CNTN4: variants seen among roughly 807,000 people sequenced by gnomAD.
CNTN4 encodes the protein contactin-4.
A neutral mutation model predicts 122.5 loss-of-function variants in CNTN4; 77 were observed. The observed-to-expected ratio is 0.63, with a 90% CI of 0.52 to 0.76. The LOEUF (loss-of-function observed/expected upper bound fraction) is 0.76. CNTN4 is among the 30% of genes least tolerant of loss of function. The probability of loss-of-function intolerance (pLI) is 0.00; values close to 1 mark genes in which losing one functional copy is unlikely to be tolerated. For missense variants in CNTN4, 1,256 were observed against 1,259.1 expected, an observed-to-expected ratio of 1.00 and a Z score of 0.04; for synonymous variants, 512 against 447.0, an observed-to-expected ratio of 1.15 and a Z score of -1.83.
intron 3 of CNTN4, among the ~76,000 whole-genome samples, chr3:2,515,887 T>C (rs956477580): frequency 4.6e-5 from 7 of 151,424 alleles, no homozygotes; most frequent in African/African-American, 1.7e-4. Context: ...TACGGACTAA[T>C]ATTTTACTGT....
chr3:2,990,194 G>C (rs1270674593), intron 14 of CNTN4, among the ~76,000 whole-genome samples: 1 of 152,172 alleles, frequency 6.6e-6, no homozygotes, highest in African/African-American at 2.4e-5. Context: ...AAATGAGGTT[G>C]TTCTGATGAC....
chr3:2,285,366 T>C (rs891269482), intron 2 of CNTN4, among the ~76,000 whole-genome samples: 7 of 152,118 alleles, frequency 4.6e-5, no homozygotes, highest in Non-Finnish European at 8.8e-5. Context: ...GACATTGCAA[T>C]TGCATATTAT....
chr3:2,543,996 TTTTTTCC>T (rs2078137755), intron 3 of CNTN4, among the ~76,000 whole-genome samples: 1 of 152,140 alleles, frequency 6.6e-6, no homozygotes, highest in Non-Finnish European at 1.5e-5. Flanking sequence ...ATCTGTCCTC[TTTTTTCC>T]TTTGAGAACA....
At chr3:2,387,370 A>G (rs923430106) in intron 3 of CNTN4, among the ~76,000 whole-genome samples, 2 of 149,470 alleles carry the variant, frequency 1.3e-5, no homozygotes, top group African/African-American at 4.8e-5. Flanking sequence ...TATTAAGAGT[A>G]AAAAGAACAT....
rs780182771 is a variant in CNTN4, at chr3:3,056,110, C to T, written c.2981-10C>T. On this transcript the variant is annotated splice_polypyrimidine_tract_variant and intron_variant, in intron 24 of 24. Coordinates refer to ENST00000418658, the MANE Select transcript of CNTN4 (RefSeq NM_175607.3). ...GGGCTGTTTTGAGTGAATTTGTTCTCTCTTTTCAGATGCCTACGCGAGAGG... is the reference window on the plus strand; with the variant it reads ...GGGCTGTTTTGAGTGAATTTGTTCTTTCTTTTCAGATGCCTACGCGAGAGG... 13 of 1,611,558 alleles carry T rather than the reference C, an allele frequency of 8.1e-6. No individual in the cohort carries two copies. The highest frequency in any genetic ancestry group is 4.0e-5 in the African/African-American group (3 of 74,890).
chr3:2,658,847 A>G (rs1225413251), intron 4 of CNTN4, among the ~76,000 whole-genome samples: 1 of 151,998 alleles, frequency 6.6e-6, no homozygotes, highest in African/African-American at 2.4e-5. Flanking sequence ...CCAATAGAGC[A>G]TGTTCAAGGT....
chr3:2,620,032 T>C (rs1290446641), intron 4 of CNTN4, among the ~76,000 whole-genome samples: 1 of 152,140 alleles, frequency 6.6e-6, no homozygotes, highest in Non-Finnish European at 1.5e-5. Context: ...TAATATACTC[T>C]GTCCCAGTCC....
At chr3:3,002,422 C>T (rs192809017) in intron 14 of CNTN4, among the ~76,000 whole-genome samples, 101 of 151,718 alleles carry the variant, frequency 6.7e-4, no homozygotes, top group Middle Eastern at 3.4e-3. Flanking sequence ...AGGTTTAGCT[C>T]AAAAAAGAGA....
At chr3:2,809,001 A>G (rs2092539891) in intron 6 of CNTN4, among the ~76,000 whole-genome samples, 1 of 152,248 alleles carries the variant, frequency 6.6e-6, no homozygotes, top group Non-Finnish European at 1.5e-5. Flanking sequence ...AACAAGTACT[A>G]ATTAAGTATC....
intron 4 of CNTN4, among the ~76,000 whole-genome samples, chr3:2,634,665 C>T (rs1352783431): frequency 8.2e-6 from 1 of 121,568 alleles, no homozygotes; most frequent in East Asian, 2.5e-4. Flanking sequence ...CCCATCTCTA[C>T]TAAAAATACA....
intron 2 of CNTN4, among the ~76,000 whole-genome samples, chr3:2,228,266 G>A (rs941187222): frequency 6.6e-6 from 1 of 152,000 alleles, no homozygotes; most frequent in Non-Finnish European, 1.5e-5. Context: ...CAACCTAAAT[G>A]TGGTTTTTAC....
intron 2 of CNTN4, among the ~76,000 whole-genome samples, chr3:2,108,304 T>C (rs1045799015): frequency 6.6e-6 from 1 of 152,120 alleles, no homozygotes; most frequent in Non-Finnish European, 1.5e-5. Flanking sequence ...TTCAATACTA[T>C]TGAGGCATAA....
intron 3 of CNTN4, chr3:2,362,220 TAAC>T (rs911929282): frequency 5.7e-6 from 1 of 174,662 alleles, no homozygotes. Flanking sequence ...AACTTTATTC[TAAC>T]AACAAGAGAA....
At chr3:2,697,462 T>G (rs1441959524) in intron 4 of CNTN4, among the ~76,000 whole-genome samples, 2 of 152,210 alleles carry the variant, frequency 1.3e-5, no homozygotes, top group African/African-American at 2.4e-5. Context: ...GCTGAATCTA[T>G]GTGGAAAGGA....
chr3:2,990,693 A>T (rs746254022), intron 14 of CNTN4, among the ~76,000 whole-genome samples: 1 of 152,188 alleles, frequency 6.6e-6, no homozygotes. Flanking sequence ...AAAGCCTACA[A>T]ATATATCAGG....
intron 2 of CNTN4, among the ~76,000 whole-genome samples, chr3:2,313,661 A>G (rs1373865044): frequency 6.6e-6 from 1 of 152,020 alleles, no homozygotes; most frequent in Admixed American, 6.6e-5. Flanking sequence ...GTCACTCCCA[A>G]CTATATGTTT....
chr3:2,221,853 A>C (rs2039073797), intron 2 of CNTN4, among the ~76,000 whole-genome samples: 1 of 152,162 alleles, frequency 6.6e-6, no homozygotes, highest in Non-Finnish European at 1.5e-5. Context: ...ATACCCTGTT[A>C]CAATTACTAG....
At chr3:2,611,157 C>A (rs999866788) in intron 4 of CNTN4, among the ~76,000 whole-genome samples, 2 of 151,720 alleles carry the variant, frequency 1.3e-5, no homozygotes, top group African/African-American at 4.8e-5. Flanking sequence ...TACATTGATT[C>A]AAAGTGATGG....
intron 2 of CNTN4, among the ~76,000 whole-genome samples, chr3:2,107,780 G>T (rs182131125): frequency 2.0e-5 from 3 of 152,188 alleles, no homozygotes; most frequent in Non-Finnish European, 2.9e-5. Flanking sequence ...AGGGAGTGGG[G>T]GTTTTATTTG....
Sources: allele counts gnomAD v4.1 joint callset (sites outside exome capture counted in the v4.1 genomes callset), GRCh38; gene constraint gnomAD v4.1.1; transcripts MANE v1.5; gene names NCBI Gene and HGNC (gene_info 2026-07-23, HGNC 2026-07-21).